Variants in WDR11 observed in about 807,000 individuals in gnomAD.
The protein encoded by WDR11 is WD repeat-containing protein 11.
A neutral mutation model predicts 151.2 loss-of-function variants in WDR11; 83 were observed. The ratio of observed to expected loss-of-function variants is 0.55; its 90% CI spans 0.46 to 0.66. The LOEUF (loss-of-function observed/expected upper bound fraction) is 0.66. Ranked by LOEUF, WDR11 falls within the 30% of genes least tolerant of loss-of-function variation. The pLI, the probability that WDR11 is intolerant of heterozygous loss-of-function variation, is 0.00. For missense variants in WDR11, 1,301 were observed against 1,480.9 expected (o/e 0.88, Z 1.99); for synonymous variants, 484 against 533.1 (o/e 0.91, Z 1.27).
intron 13 of WDR11, among the ~76,000 whole-genome samples, chr10:120,882,199 A>G (rs1323914315): frequency 6.6e-6 from 1 of 152,086 alleles, no homozygotes. Context: ...CCAACATGAC[A>G]TTCCCGGAAT....
At chr10:120,867,379 G>GT (rs1204056128) in intron 9 of WDR11, among the ~76,000 whole-genome samples, 1 of 152,344 alleles carries the variant, frequency 6.6e-6, no homozygotes, top group East Asian at 1.9e-4. Context: ...CATTATAGTT[G>GT]TTAGAAATAG....
chr10:120,858,537 T>C, intron 2 of WDR11, 106 bp from the exon 3 acceptor site: 1 of 1,333,410 alleles, frequency 7.5e-7, no homozygotes, highest in East Asian at 2.4e-5. Flanking sequence ...TGCTAAATGT[T>C]TATGTAATAT....
chr10:120,878,492 T>C (rs1241619957), intron 12 of WDR11, 33 bp downstream of exon 12: 1 of 1,535,386 alleles, frequency 6.5e-7, no homozygotes, highest in South Asian at 1.1e-5. Flanking sequence ...AGGTTTGTCA[T>C]ATTGAATAAA....
chr10:120,868,443 C>A (rs545561631), intron 9 of WDR11, among the ~76,000 whole-genome samples: 2 of 151,802 alleles, frequency 1.3e-5, no homozygotes, highest in African/African-American at 4.8e-5. Flanking sequence ...GGCAACAGAG[C>A]GAGACTCGAT....
rs1180097419 is a variant in WDR11, at chr10:120,908,939, A to G, written c.*226A>G. The G allele has an allele frequency of 1.8e-6, 1 of 570,998 alleles. No homozygotes were observed. The highest frequency in any genetic ancestry group is 3.1e-6 in the Non-Finnish European group (1 of 320,164). The allele number at this position is 570,998 out of a possible 1,614,324, so 35.4% of individuals were successfully genotyped here. Reference sequence around the variant, plus strand: ...AAGAACGTGAATGCTTAAGATTTTGAAAGTACATAATATTTTATACTTTGG... The same window carrying G: ...AAGAACGTGAATGCTTAAGATTTTGGAAGTACATAATATTTTATACTTTGG... On this transcript the variant is annotated 3_prime_UTR_variant, in exon 29 of 29. Transcript: ENST00000263461.
chr10:120,903,559 T>TAA (rs375856173), intron 23 of WDR11, among the ~76,000 whole-genome samples: 2 of 133,298 alleles, frequency 1.5e-5, no homozygotes, highest in African/African-American at 5.4e-5. Flanking sequence ...ACATTTGCAT[T>TAA]AAAAAAAAAG....
chr10:120,902,998 A>G, intron 22 of WDR11, 57 bp from the exon 23 acceptor site: 1 of 1,578,874 alleles, frequency 6.3e-7, no homozygotes, highest in Non-Finnish European at 8.7e-7. Context: ...CTACTCTAGG[A>G]AGCCATCCAG....
Position 120,909,035 on chromosome 10 carries a change from T to TTTTC in WDR11, c.*324_*327dup. 1 of 332,404 alleles carries TTTTC rather than the reference T, an allele frequency of 3.0e-6. No homozygotes were observed. Among genetic ancestry groups the TTTTC allele is most frequent in the East Asian group, 6.8e-5 (1 of 14,716 alleles). The allele number at this position is 332,404 out of a possible 1,614,324, so 20.6% of individuals were successfully genotyped here. A position where few individuals can be genotyped will look rare whatever the true frequency, so the allele number is the denominator to read the frequency against. On this transcript the variant is annotated 3_prime_UTR_variant, in exon 29 of 29. Coordinates refer to ENST00000263461, the MANE Select transcript of WDR11 (RefSeq NM_018117.12). Reference sequence around the variant, plus strand: ...CTTAAAATTCAAGAGACTGAATCACTTTTCTCATTGATTAAATGTAAAGAT... The same window carrying TTTTC: ...CTTAAAATTCAAGAGACTGAATCACTTTTCTTTCTCATTGATTAAATGTAAAGAT...
intron 19 of WDR11, among the ~76,000 whole-genome samples, chr10:120,896,287 A>G (rs1847611929): frequency 1.3e-5 from 2 of 152,346 alleles, no homozygotes; most frequent in African/African-American, 4.8e-5. Context: ...CACCACACAT[A>G]CACAGAATAA....
chr10:120,906,278 G>C lies in WDR11; in HGVS notation c.3437+257G>C, dbSNP rs143942872. The C allele has an allele frequency of 2.2e-6, 3 of 1,348,300 alleles. No individual in the cohort carries two copies. In the African/African-American group the frequency reaches 4.4e-5, roughly 20 times the overall value. 83.5% of individuals were successfully genotyped at this position (1,348,300 alleles called of 1,614,324 possible). On this transcript the variant is annotated intron_variant, in intron 27 of 28. Transcript: ENST00000263461. ...GCACCTAGTAAAAGGGAATTTAAAA[G>C]TCTTCAGAGAATTGGGGTCCATTCA... is the stretch of plus-strand genomic sequence containing the variant.
rs145550351 is a variant in WDR11, at chr10:120,884,503, C to G, written c.1848+615C>G. Among the ~76,000 whole-genome samples, 459 of 151,644 alleles carry G rather than the reference C, an allele frequency of 3.0e-3. 2 individuals are homozygous for G. Among genetic ancestry groups the G allele is most frequent in the African/African-American group, 0.011 (440 of 41,344 alleles). On this transcript the variant is annotated intron_variant, in intron 14 of 28. Transcript: ENST00000263461. ...GAAGTGAGTGTCACAGGACTAAAGA[C>G]CTAAATGTAAAAATGTAAAGCTATA...
At chr10:120,885,499 A>G (rs888737129) in intron 14 of WDR11, among the ~76,000 whole-genome samples, 4 of 152,156 alleles carry the variant, frequency 2.6e-5, no homozygotes, top group South Asian at 2.1e-4. Context: ...TGATTGTCTT[A>G]TCGTGTGCAC....
At position 120,901,069 on chromosome 10, in the gene WDR11, C is replaced by G; in HGVS notation, c.2658C>G (p.Leu886=). The change falls in exon 21 of 29, where the codon CTC becomes CTG. Residue 886 remains leucine, a synonymous_variant. Transcript: ENST00000263461. ...CAGAAAATGAAGAAATAAAGAATCT[C>G]CTCCAAGAACAGTTGAATTCATTGT... The part of the protein sequence containing the change: ...DYPENEEIKN[L]LQEQLNSLSN... The G allele has an allele frequency of 6.2e-7, 1 of 1,612,912 alleles. No homozygotes were observed. The highest frequency in any genetic ancestry group is 8.5e-7 in the Non-Finnish European group (1 of 1,179,122).
Position 120,867,114 on chromosome 10 carries a change from T to C in WDR11, c.1239T>C (p.Ile413=). 6.2e-7 allele frequency: 1 copy of C among 1,613,974 alleles called. No individual in the cohort carries two copies. Residue 413 remains isoleucine (I), a synonymous_variant, in exon 9 of 29, where the codon ATT becomes ATC. Coordinates refer to ENST00000263461, the MANE Select transcript of WDR11 (RefSeq NM_018117.12). The stretch of plus-strand genomic sequence containing the variant: ...ATTCACCAGTGTCTTTCTGTGGAAT[T>C]CCTGTAGGAGTGCTACAGAATAAAC... ...PLYSPVSFCG[I]PVGVLQNKLP...
intron 2 of WDR11, among the ~76,000 whole-genome samples, chr10:120,855,476 T>C (rs766994755): frequency 1.9e-4 from 29 of 152,214 alleles, no homozygotes; most frequent in Non-Finnish European, 3.4e-4. Flanking sequence ...TGGTGGTGTC[T>C]TTTGAAGAAC....
At chr10:120,898,947 A>G (rs965046904) in intron 19 of WDR11, among the ~76,000 whole-genome samples, 10 of 152,226 alleles carry the variant, frequency 6.6e-5, no homozygotes, top group Non-Finnish European at 1.5e-4. Flanking sequence ...TGTCTATTCA[A>G]GGGATCCATG....
At chr10:120,861,604 T>C (rs1846142485) in intron 4 of WDR11, among the ~76,000 whole-genome samples, 1 of 152,202 alleles carries the variant, frequency 6.6e-6, no homozygotes, top group South Asian at 2.1e-4. Context: ...GATGAAAGCA[T>C]TGTGTGTTCC....
rs138530208 is a variant in WDR11, at chr10:120,886,495, C to T, written c.1974-194C>T. ...TTTCTCTCTGTGCAGGGTAAACTTC[C>T]TCTGATGTTGTGGCTGTTAAGGAGT... On this transcript the variant is annotated intron_variant, in intron 15 of 28. Transcript: ENST00000263461. Among the ~76,000 whole-genome samples, 260 of 152,160 alleles carry T rather than the reference C, an allele frequency of 1.7e-3. 1 individual carries two copies. The highest frequency in any genetic ancestry group is 2.9e-3 in the Non-Finnish European group (194 of 68,000).
chr10:120,873,958 A>C, intron 11 of WDR11, 35 bp downstream of exon 11: 1 of 1,441,624 alleles, frequency 6.9e-7, no homozygotes, highest in South Asian at 1.1e-5. Context: ...CATCACAAAC[A>C]TCATATCAGA....
Sources: allele counts gnomAD v4.1 joint callset (sites outside exome capture counted in the v4.1 genomes callset), GRCh38; gene constraint gnomAD v4.1.1; transcripts MANE v1.5; gene names NCBI Gene and HGNC (gene_info 2026-07-23, HGNC 2026-07-21).